BPIFB1: variants seen among roughly 807,000 people sequenced by gnomAD.
BPIFB1 encodes BPI fold-containing family B member 1.
A neutral mutation model predicts 55.1 loss-of-function variants in BPIFB1; 34 were observed. The observed-to-expected ratio is 0.62, with a 90% CI of 0.47 to 0.82. The LOEUF (loss-of-function observed/expected upper bound fraction) is 0.82, where lower values mean the gene tolerates loss of function less well. Ranked by LOEUF, BPIFB1 falls within the 40% of genes least tolerant of loss-of-function variation. The pLI, the probability that BPIFB1 is intolerant of heterozygous loss-of-function variation, is 0.00. For missense variants in BPIFB1, 532 were observed against 593.1 expected, an observed-to-expected ratio of 0.90 and a Z score of 1.07; for synonymous variants, 236 against 245.3, an observed-to-expected ratio of 0.96 and a Z score of 0.35.
intron 1 of BPIFB1, among the ~76,000 whole-genome samples, chr20:33,283,857 G>A (rs1980180324): frequency 1.3e-5 from 2 of 152,120 alleles, no homozygotes. Context: ...GAGGGAAACA[G>A]GGATGCTACC....
intron 2 of BPIFB1, 147 bp from the exon 3 acceptor site, chr20:33,288,594 G>A: frequency 1.1e-6 from 1 of 896,862 alleles, no homozygotes; most frequent in Non-Finnish European, 1.7e-6. Context: ...TGGCAGGCTG[G>A]TCCTGACCTC....
At chr20:33,298,542 C>T (rs1225676626) in intron 7 of BPIFB1, among the ~76,000 whole-genome samples, 4 of 145,636 alleles carry the variant, frequency 2.7e-5, no homozygotes, top group Non-Finnish European at 4.4e-5. Flanking sequence ...CCACGCCCTC[C>T]CGCTGGGTGT....
At chr20:33,293,342 T>TC (rs1453257078) in intron 6 of BPIFB1, among the ~76,000 whole-genome samples, 1 of 152,214 alleles carries the variant, frequency 6.6e-6, no homozygotes, top group Non-Finnish European at 1.5e-5. Flanking sequence ...CCCACCTCCA[T>TC]CCACATGCAC....
chr20:33,299,887 G>C lies in BPIFB1; in HGVS notation c.662-12G>C. The C allele has an allele frequency of 6.2e-7, 1 of 1,613,240 alleles. No individual in the cohort carries two copies. The highest frequency in any genetic ancestry group is 8.5e-7 in the Non-Finnish European group (1 of 1,179,644). ...TCCACCCTCACAGAACTTTCTTCTTGTCCTTGAGCAGTGCCCATTTCCCTC... is the reference window on the plus strand; with the variant it reads ...TCCACCCTCACAGAACTTTCTTCTTCTCCTTGAGCAGTGCCCATTTCCCTC... On this transcript the variant is annotated splice_polypyrimidine_tract_variant and intron_variant, in intron 7 of 15. Coordinates refer to ENST00000253354, the MANE Select transcript of BPIFB1 (RefSeq NM_033197.3).
intron 2 of BPIFB1, among the ~76,000 whole-genome samples, chr20:33,287,733 G>A (rs55654009): frequency 1.8e-4 from 28 of 152,134 alleles, no homozygotes; most frequent in Non-Finnish European, 2.9e-4. Flanking sequence ...TGCCCCTGGA[G>A]GAAGGGGGCT....
At chr20:33,306,195 G>T in intron 14 of BPIFB1, 130 bp downstream of exon 14, 1 of 1,025,984 alleles carries the variant, frequency 9.7e-7, no homozygotes, top group Non-Finnish European at 1.5e-6. Flanking sequence ...TTCAAAATCT[G>T]CCTCCTCCCA....
At chr20:33,304,936 G>A (rs745307188) in intron 13 of BPIFB1, 45 bp downstream of exon 13, 1 of 1,598,624 alleles carries the variant, frequency 6.3e-7, no homozygotes, top group Non-Finnish European at 8.6e-7. Context: ...GGGTGGCCTG[G>A]AATGGTCCAC....
At chr20:33,308,829 T>C (rs1304661567) in intron 15 of BPIFB1, among the ~76,000 whole-genome samples, 42 of 117,292 alleles carry the variant, frequency 3.6e-4, no homozygotes, top group African/African-American at 8.3e-4. Flanking sequence ...CACACACACA[T>C]ACACACACAC....
chr20:33,291,775 G>T, intron 5 of BPIFB1, 132 bp from the exon 6 acceptor site: 5 of 756,680 alleles, frequency 6.6e-6, no homozygotes, highest in Non-Finnish European at 1.1e-5. Flanking sequence ...TCCCAGCCCC[G>T]TCTCTAACAC....
rs569050946 is a variant in BPIFB1 at position 33,300,042 on chromosome 20, C to T, written c.747+58C>T. The T allele has an allele frequency of 2.9e-4, 419 of 1,463,422 alleles. 2 individuals carry two copies. The Middle Eastern group carries it at 4.1e-3, about 14-fold the overall frequency. 90.7% of individuals were successfully genotyped at this position (1,463,422 alleles called of 1,614,324 possible). A position where few individuals can be genotyped will look rare whatever the true frequency, so the allele number is the denominator to read the frequency against. ...GGACATTGCTGCCCTTCTCTGACCA[C>T]CAGGAGTCAGATAGCATGGGCCTGT... On this transcript the variant is annotated intron_variant, in intron 8 of 15. Coordinates refer to ENST00000253354, the MANE Select transcript of BPIFB1 (RefSeq NM_033197.3).
chr20:33,286,582 G>C (rs1279881596), intron 2 of BPIFB1, among the ~76,000 whole-genome samples: 1 of 152,282 alleles, frequency 6.6e-6, no homozygotes, highest in East Asian at 1.9e-4. Context: ...TGGCAGCCTG[G>C]GTCCCAGGCA....
intron 7 of BPIFB1, among the ~76,000 whole-genome samples, chr20:33,298,118 C>T (rs1392644124): frequency 1.3e-5 from 2 of 151,956 alleles, no homozygotes; most frequent in South Asian, 2.1e-4. Context: ...ACACGCAGCC[C>T]CCGGACTAGT....
intron 1 of BPIFB1, among the ~76,000 whole-genome samples, chr20:33,283,461 G>A (rs1278289081): frequency 6.6e-6 from 1 of 152,170 alleles, no homozygotes; most frequent in Non-Finnish European, 1.5e-5. Flanking sequence ...ACGAAGGGAT[G>A]GGGCTGGCTG....
At position 33,301,460 on chromosome 20, in the gene BPIFB1, T is replaced by C. The variant is rs761900385; in HGVS notation, c.927+48T>C. The C allele has an allele frequency of 3.8e-6, 6 of 1,566,232 alleles. No homozygotes were observed. The Admixed American group carries it at 5.2e-5, about 14-fold the overall frequency. On this transcript the variant is annotated intron_variant, in intron 9 of 15. Coordinates refer to ENST00000253354, the MANE Select transcript of BPIFB1 (RefSeq NM_033197.3). ...GAATAGGGCCGCCCAGGCCACATCA[T>C]AGGAATTTCCTGAACACAGGGTGCC...
intron 13 of BPIFB1, 132 bp from the exon 14 acceptor site, chr20:33,305,870 A>G: frequency 2.0e-6 from 2 of 1,010,790 alleles, no homozygotes; most frequent in Non-Finnish European, 3.0e-6. Flanking sequence ...AGCTCTGATC[A>G]GCAGGGGACC....
rs73906388 is a variant in BPIFB1, at chr20:33,304,676, C to T, written c.1209-170C>T. On this transcript the variant is annotated intron_variant, in intron 12 of 15. Coordinates refer to ENST00000253354, the MANE Select transcript of BPIFB1 (RefSeq NM_033197.3). ...CTGTGCCCCCTCTATGCCCCCCACC[C>T]CACCCCTGCCATTAGAATGCAAGCT... 5.2e-3 allele frequency among the ~76,000 whole-genome samples: 784 copies of T among 152,156 alleles called. 8 individuals carry two copies. The highest frequency in any genetic ancestry group is 0.018 in the African/African-American group (730 of 41,502).
chr20:33,293,264 T>G (rs572936436), intron 6 of BPIFB1, among the ~76,000 whole-genome samples: 22 of 150,102 alleles, frequency 1.5e-4, no homozygotes, highest in Admixed American at 3.9e-4. Flanking sequence ...TGAAAAAATT[T>G]GGGGAAAAAA....
intron 6 of BPIFB1, among the ~76,000 whole-genome samples, chr20:33,297,094 T>C (rs1980677193): frequency 6.6e-6 from 1 of 152,206 alleles, no homozygotes; most frequent in Admixed American, 6.5e-5. Flanking sequence ...TGGCTTTTTG[T>C]ATCTTTAGTA....
At chr20:33,296,691 T>C (rs907597250) in intron 6 of BPIFB1, among the ~76,000 whole-genome samples, 82 of 152,270 alleles carry the variant, frequency 5.4e-4, no homozygotes, top group African/African-American at 1.8e-3. Flanking sequence ...CTCTAGAAAT[T>C]TCCAAATGTC....
Sources: allele counts gnomAD v4.1 joint callset (sites outside exome capture counted in the v4.1 genomes callset), GRCh38; gene constraint gnomAD v4.1.1; transcripts MANE v1.5; gene names NCBI Gene and HGNC (gene_info 2026-07-23, HGNC 2026-07-21).